Variants in OXR1 observed in about 807,000 individuals in gnomAD.
The protein encoded by OXR1 is oxidation resistance protein 1.
OXR1 carries 41 observed loss-of-function variants against 104.6 expected under a neutral mutation model. The ratio of observed to expected loss-of-function variants is 0.39; its 90% CI spans 0.31 to 0.51. The LOEUF (loss-of-function observed/expected upper bound fraction) is 0.51, where lower values mean the gene tolerates loss of function less well. Ranked by LOEUF, OXR1 falls within the 20% of genes least tolerant of loss-of-function variation. The probability of loss-of-function intolerance (pLI) is 0.77; values close to 1 mark genes in which losing one functional copy is unlikely to be tolerated. For synonymous variants in OXR1, 348 were observed against 348.4 expected (o/e 1.00, Z 0.01); for missense variants, 955 against 1,031.9 (o/e 0.93, Z 1.02).
intron 2 of OXR1, among the ~76,000 whole-genome samples, chr8:106,405,141 C>CAT (rs143485889): frequency 1.3e-5 from 1 of 79,882 alleles, no homozygotes; most frequent in Non-Finnish European, 2.7e-5. Context: ...TCAGAAACCA[C>CAT]ATATATATAT....
chr8:106,673,423 G>A (rs1260495322), intron 3 of OXR1, among the ~76,000 whole-genome samples: 3 of 152,180 alleles, frequency 2.0e-5, no homozygotes, highest in African/African-American at 7.2e-5. Context: ...AAATCAGTCA[G>A]TTTTATGGAT....
intron 6 of OXR1, among the ~76,000 whole-genome samples, chr8:106,685,089 C>A (rs1398077644): frequency 6.6e-6 from 1 of 151,844 alleles, no homozygotes; most frequent in Non-Finnish European, 1.5e-5. Flanking sequence ...TGATGGATAT[C>A]TTCTTTATAT....
At chr8:106,458,041 A>G (rs1403651877) in intron 2 of OXR1, among the ~76,000 whole-genome samples, 1 of 152,190 alleles carries the variant, frequency 6.6e-6, no homozygotes, top group Non-Finnish European at 1.5e-5. Flanking sequence ...GCCTGGCTGC[A>G]TAAAGAATAA....
chr8:106,625,659 G>C (rs755531714), intron 3 of OXR1, among the ~76,000 whole-genome samples: 6 of 152,266 alleles, frequency 3.9e-5, no homozygotes, highest in Non-Finnish European at 8.8e-5. Context: ...CTTAGGCCTG[G>C]TGAGATATGT....
At chr8:106,643,599 T>A (rs1418291511) in intron 3 of OXR1, among the ~76,000 whole-genome samples, 1 of 152,164 alleles carries the variant, frequency 6.6e-6, no homozygotes, top group East Asian at 1.9e-4. Context: ...GACCTAGCTT[T>A]CACAGCCAGA....
chr8:106,410,784 C>A (rs1202235728), intron 2 of OXR1, among the ~76,000 whole-genome samples: 5 of 151,956 alleles, frequency 3.3e-5, no homozygotes, highest in African/African-American at 1.2e-4. Flanking sequence ...AATTAATATC[C>A]CAGAGAAGAC....
chr8:106,351,444 T>C (rs1196385784), intron 1 of OXR1, among the ~76,000 whole-genome samples: 9 of 151,964 alleles, frequency 5.9e-5, no homozygotes, highest in Non-Finnish European at 1.3e-4. Flanking sequence ...ATGTAATGAG[T>C]TAGAAGTTAG....
chr8:106,650,148 C>G (rs1289468985), intron 3 of OXR1, among the ~76,000 whole-genome samples: 1 of 152,088 alleles, frequency 6.6e-6, no homozygotes, highest in Non-Finnish European at 1.5e-5. Context: ...TTATAGGAAG[C>G]ATTATAGCTC....
At chr8:106,372,220 T>G (rs758424687) in intron 2 of OXR1, among the ~76,000 whole-genome samples, 26 of 152,020 alleles carry the variant, frequency 1.7e-4, no homozygotes, top group Non-Finnish European at 3.5e-4. Context: ...CCTGGTTGGG[T>G]AGTGTGCTCA....
intron 2 of OXR1, among the ~76,000 whole-genome samples, chr8:106,505,481 C>T (rs536842432): frequency 6.6e-6 from 1 of 152,272 alleles, no homozygotes; most frequent in South Asian, 2.1e-4. Context: ...ACAAAGTGGA[C>T]ATGAACAAAT....
intron 5 of OXR1, 34 bp downstream of exon 5, chr8:106,683,340 A>G (rs758854066): frequency 5.1e-6 from 5 of 972,840 alleles, no homozygotes; most frequent in Non-Finnish European, 8.3e-6. Context: ...TGATGTTTAG[A>G]AACATTAAAC....
At chr8:106,362,299 A>T (rs1816281347) in intron 2 of OXR1, among the ~76,000 whole-genome samples, 1 of 152,014 alleles carries the variant, frequency 6.6e-6, no homozygotes. Flanking sequence ...TTAAAATGTA[A>T]CTCTGAGGTT....
At position 106,710,693 on chromosome 8, in the gene OXR1, A is replaced by G; in HGVS notation, c.1696A>G (p.Met566Val). Residue 566 changes from methionine (M) to valine (V), a missense_variant, in exon 10 of 17, where the codon ATG becomes GTG. Met to Val is a conservative substitution (Grantham distance 21, BLOSUM62 1). Transcript: ENST00000517566. ...CTTGTGTCTCAGAGTTGGAAAACCA[A>G]TGAGGAAAACGTTTGTATCTCAAGC... is the stretch of plus-strand genomic sequence containing the variant. ...KFLCLRVGKP[M>V]RKTFVSQASA... 1.2e-6 allele frequency: 2 copies of G among 1,605,334 alleles called. No homozygotes were observed. Among genetic ancestry groups the G allele is most frequent in the Non-Finnish European group, 1.7e-6 (2 of 1,175,344 alleles).
rs778135940 is a variant in OXR1, at chr8:106,684,198, A to G, written c.412-48A>G. 3.3e-6 allele frequency: 3 copies of G among 917,876 alleles called. No individual in the cohort carries two copies. In the East Asian group the frequency reaches 7.3e-5, roughly 22 times the overall value. The allele number at this position is 917,876 out of a possible 1,614,324, so 56.9% of individuals were successfully genotyped here. ...CTTGCTTATAGAACACCATCTAATT[A>G]TTAACACTTCATTTTAACTAAATCT... is the stretch of plus-strand genomic sequence containing the variant. On this transcript the variant is annotated intron_variant, in intron 5 of 16. Coordinates refer to ENST00000517566, the MANE Select transcript of OXR1 (RefSeq NM_001198533.2).
At chr8:106,660,858 C>T (rs1289375351) in intron 3 of OXR1, among the ~76,000 whole-genome samples, 1 of 152,034 alleles carries the variant, frequency 6.6e-6, no homozygotes, top group Non-Finnish European at 1.5e-5. Context: ...ACTAAAAATA[C>T]AAAAATTAGC....
intron 3 of OXR1, among the ~76,000 whole-genome samples, chr8:106,558,577 C>G (rs970286315): frequency 6.6e-6 from 1 of 152,220 alleles, no homozygotes; most frequent in African/African-American, 2.4e-5. Flanking sequence ...ATATTACAAT[C>G]CTTTTCCTGT....
At chr8:106,737,340 G>A (rs1314850191) in intron 11 of OXR1, among the ~76,000 whole-genome samples, 180 bp from the exon 12 acceptor site, 2 of 151,390 alleles carry the variant, frequency 1.3e-5, no homozygotes, top group Non-Finnish European at 1.5e-5. Flanking sequence ...AATCATTCAT[G>A]GATATTTCAC....
intron 1 of OXR1, among the ~76,000 whole-genome samples, chr8:106,271,290 G>A (rs1019821540): frequency 3.2e-5 from 4 of 125,636 alleles, no homozygotes; most frequent in Admixed American, 2.2e-4. Context: ...CTGTAGGCGA[G>A]CTTTAGGAGA....
intron 3 of OXR1, among the ~76,000 whole-genome samples, chr8:106,534,740 A>G (rs964213681): frequency 6.6e-6 from 1 of 152,238 alleles, no homozygotes; most frequent in Admixed American, 6.5e-5. Flanking sequence ...TGATTATTAA[A>G]TAAGATAGTG....
Sources: gnomAD v4.1 joint callset for allele counts (sites outside exome capture counted in the v4.1 genomes callset) on GRCh38, gnomAD v4.1.1 for gene constraint, MANE v1.5 for transcripts, NCBI Gene and HGNC (gene_info 2026-07-23, HGNC 2026-07-21) for gene names.